ATR: variants seen among roughly 807,000 people sequenced by gnomAD.
The protein encoded by ATR is ATR checkpoint kinase, also known as serine/threonine-protein kinase ATR.
A neutral mutation model predicts 305.3 loss-of-function variants in ATR; 142 were observed. The observed-to-expected ratio is 0.47, with a 90% CI of 0.41 to 0.53. The LOEUF is 0.53. ATR is among the 20% of genes least tolerant of loss of function. The probability of loss-of-function intolerance (pLI) is 0.00; values close to 1 mark genes in which losing one functional copy is unlikely to be tolerated. For synonymous variants in ATR, 1,050 were observed against 1,068.1 expected, an observed-to-expected ratio of 0.98 and a Z score of 0.33; for missense variants, 2,135 against 3,133.1, an observed-to-expected ratio of 0.68 and a Z score of 7.60.
intron 38 of ATR, among the ~76,000 whole-genome samples, chr3:142,468,723 C>G (rs1158097510): frequency 6.6e-6 from 1 of 152,114 alleles, no homozygotes; most frequent in Non-Finnish European, 1.5e-5. Flanking sequence ...GGCACGATAG[C>G]TCATGCCTGT....
intron 45 of ATR, among the ~76,000 whole-genome samples, chr3:142,455,415 A>C (rs546673222): frequency 7.2e-4 from 110 of 152,354 alleles, no homozygotes; most frequent in African/African-American, 2.2e-3. Context: ...GCTGATTTTA[A>C]AATTAATATG....
rs1304352385 is a variant in ATR, at chr3:142,550,380, G to A, written c.2806-78C>T. ...CTAATACTTTTTAAGCCACCATAGA[G>A]GGCAGTATCAAATAGTATTCTACAT... On this transcript the variant is annotated intron_variant, in intron 13 of 46. Transcript: ENST00000350721. 27 of 1,449,342 alleles carry A rather than the reference G, an allele frequency of 1.9e-5. No individual in the cohort carries two copies. In the East Asian group the frequency reaches 6.1e-4, roughly 33 times the overall value. 89.8% of individuals were successfully genotyped at this position (1,449,342 alleles called of 1,614,324 possible).
At chr3:142,559,836 T>C (rs1334203615) in intron 6 of ATR, among the ~76,000 whole-genome samples, 1 of 152,180 alleles carries the variant, frequency 6.6e-6, no homozygotes, top group East Asian at 1.9e-4. Context: ...ATCAAGGCTG[T>C]AGTGAGCCAT....
rs114969514 is a variant in ATR at position 142,502,598 on chromosome 3, G to A, written c.5288+764C>T. On this transcript the variant is annotated intron_variant, in intron 30 of 46. Coordinates refer to ENST00000350721, the MANE Select transcript of ATR (RefSeq NM_001184.4). ...ATGCCCTTGTCACTAACTTGCACAT[G>A]TACCCTCAGAATCTAAAATAAAAGT... Among the ~76,000 whole-genome samples the A allele has an allele frequency of 1.6e-3, 239 of 152,124 alleles. 2 individuals carry two copies. Among genetic ancestry groups the A allele is most frequent in the Non-Finnish European group, 2.9e-3 (199 of 68,002 alleles).
chr3:142,510,234 A>G lies in ATR; in HGVS notation c.4852+2026T>C, dbSNP rs150986313. Among the ~76,000 whole-genome samples, 41 of 152,176 alleles carry G rather than the reference A, an allele frequency of 2.7e-4. 1 individual carries two copies. Among genetic ancestry groups the G allele is most frequent in the African/African-American group, 8.7e-4 (36 of 41,520 alleles). The stretch of plus-strand genomic sequence containing the variant: ...TAACAGGCTGGTTGTGCTGGCTCAC[A>G]CCTATAATTCCAACACTTTGGGAGA... On this transcript the variant is annotated intron_variant, in intron 27 of 46. Transcript: ENST00000350721.
At position 142,498,797 on chromosome 3, in the gene ATR, A is replaced by G. The variant is rs776440444; in HGVS notation, c.5381-23T>C. On this transcript the variant is annotated intron_variant, in intron 31 of 46. Transcript: ENST00000350721. ...CATCTGAAAAACAAATGAAGAGTCA[A>G]GAAATGTCACGGTAGCTGGGTCCAA... is the stretch of plus-strand genomic sequence containing the variant. 1.3e-5 allele frequency: 21 copies of G among 1,612,174 alleles called. No individual in the cohort carries two copies. In the East Asian group the frequency reaches 2.9e-4, roughly 22 times the overall value.
At chr3:142,473,033 T>A (rs1288585325) in intron 36 of ATR, among the ~76,000 whole-genome samples, 3 of 152,230 alleles carry the variant, frequency 2.0e-5, no homozygotes, top group Non-Finnish European at 4.4e-5. Flanking sequence ...AAATACATTC[T>A]CCCATTCTAT....
chr3:142,572,181 TGCCTCA>T (rs745341891), intron 1 of ATR, among the ~76,000 whole-genome samples: 1 of 151,900 alleles, frequency 6.6e-6, no homozygotes, highest in East Asian at 1.9e-4. Flanking sequence ...GTGATTCTCC[TGCCTCA>T]GCCTCCCGAG....
chr3:142,549,447 A>G (rs1283274862), intron 15 of ATR, 32 bp downstream of exon 15: 2 of 1,422,680 alleles, frequency 1.4e-6, no homozygotes, highest in South Asian at 2.9e-5. Flanking sequence ...AATTTATATA[A>G]AAAAGTAAAA....
intron 24 of ATR, among the ~76,000 whole-genome samples, chr3:142,518,847 A>T (rs547683724): frequency 2.6e-5 from 4 of 152,316 alleles, no homozygotes; most frequent in Admixed American, 1.3e-4. Context: ...AAAATGCTTC[A>T]TGTATTTGCA....
chr3:142,497,416 G>A (rs1269109734), intron 32 of ATR, among the ~76,000 whole-genome samples: 1 of 151,868 alleles, frequency 6.6e-6, no homozygotes, highest in African/African-American at 2.4e-5. Flanking sequence ...CTTTAGCCAG[G>A]CATGGTAGCG....
intron 46 of ATR, 58 bp from the exon 47 acceptor site, chr3:142,449,660 T>C: frequency 6.5e-7 from 1 of 1,530,518 alleles, no homozygotes; most frequent in East Asian, 2.4e-5. Context: ...ATTACTACCT[T>C]TCTTTATATT....
At chr3:142,540,255 AAG>A (rs1200719152) in intron 18 of ATR, among the ~76,000 whole-genome samples, 2 of 152,198 alleles carry the variant, frequency 1.3e-5, no homozygotes, top group African/African-American at 4.8e-5. Context: ...GGCTGTTTAC[AAG>A]AGACACTTAA....
chr3:142,471,576 G>A (rs2071267171), intron 36 of ATR, among the ~76,000 whole-genome samples: 1 of 151,932 alleles, frequency 6.6e-6, no homozygotes, highest in Admixed American at 6.6e-5. Context: ...TTTTTTAAAG[G>A]TGCACAACAT....
At chr3:142,549,733 C>A in intron 14 of ATR, 60 bp from the exon 15 acceptor site, 6 of 1,509,042 alleles carry the variant, frequency 4.0e-6, no homozygotes, top group Non-Finnish European at 4.6e-6. Context: ...AAAATATTCA[C>A]ATAAGCTATG....
At chr3:142,575,568 TCTC>T (rs1427593562) in intron 1 of ATR, among the ~76,000 whole-genome samples, 1 of 151,726 alleles carries the variant, frequency 6.6e-6, no homozygotes, top group Non-Finnish European at 1.5e-5. Flanking sequence ...CACCATCAAA[TCTC>T]CTCTAGTGGC....
intron 36 of ATR, among the ~76,000 whole-genome samples, chr3:142,480,341 C>T (rs1047559379): frequency 2.6e-5 from 4 of 152,190 alleles, no homozygotes; most frequent in African/African-American, 2.4e-5. Context: ...TTGGAGTTTG[C>T]TGGAGATCCA....
intron 14 of ATR, 23 bp downstream of exon 14, chr3:142,550,109 G>C (rs200916600): frequency 2.5e-6 from 4 of 1,612,952 alleles, no homozygotes; most frequent in Non-Finnish European, 3.4e-6. Flanking sequence ...CAAACCTCAA[G>C]TGAACTATAT....
chr3:142,471,682 T>C (rs914176454), intron 36 of ATR, among the ~76,000 whole-genome samples: 6 of 152,206 alleles, frequency 3.9e-5, no homozygotes, highest in African/African-American at 9.6e-5. Context: ...CATGTATACA[T>C]TGTGGAAGAG....
Sources: allele counts gnomAD v4.1 joint callset (sites outside exome capture counted in the v4.1 genomes callset), GRCh38; gene constraint gnomAD v4.1.1; transcripts MANE v1.5; gene names NCBI Gene and HGNC (gene_info 2026-07-23, HGNC 2026-07-21).